The following SYT9 variants were observed in gnomAD, a reference collection of about 807,000 sequenced individuals.
SYT9 encodes synaptotagmin-9.
A neutral mutation model predicts 48.4 loss-of-function variants in SYT9; 22 were observed. The ratio of observed to expected loss-of-function variants is 0.45; its 90% CI spans 0.32 to 0.65. The LOEUF is 0.65. SYT9 is among the 30% of genes least tolerant of loss of function. The pLI, the probability that SYT9 is intolerant of heterozygous loss-of-function variation, is 0.03. For synonymous variants in SYT9, 265 were observed against 245.0 expected, an observed-to-expected ratio of 1.08 and a Z score of -0.76; for missense variants, 577 against 622.0, an observed-to-expected ratio of 0.93 and a Z score of 0.77.
chr11:7,412,949 G>C (rs567094634), intron 3 of SYT9, among the ~76,000 whole-genome samples: 1 of 152,318 alleles, frequency 6.6e-6, no homozygotes, highest in East Asian at 1.9e-4. Context: ...CAAGCCCCTG[G>C]ATGGCATGCT....
intron 3 of SYT9, among the ~76,000 whole-genome samples, chr11:7,394,306 G>T (rs897886528): frequency 6.6e-6 from 1 of 152,062 alleles, no homozygotes; most frequent in African/African-American, 2.4e-5. Flanking sequence ...ATTTTTTATA[G>T]GTGCATAGTA....
chr11:7,265,053 G>A lies in SYT9; in HGVS notation c.145+12722G>A, dbSNP rs185211910. The stretch of plus-strand genomic sequence containing the variant: ...CAGAAGTGTTGAAGGAATATTTTAA[G>A]TCAGTAGAGATGCCTTAAGAGATAT... On this transcript the variant is annotated intron_variant, in intron 1 of 6. Coordinates refer to ENST00000318881, the MANE Select transcript of SYT9 (RefSeq NM_175733.4). Among the ~76,000 whole-genome samples the A allele has an allele frequency of 3.5e-4, 53 of 152,226 alleles. 1 individual carries two copies. Among genetic ancestry groups the A allele is most frequent in the Middle Eastern group, 6.8e-3 (2 of 294 alleles).
chr11:7,455,739 G>T (rs1848140021), intron 6 of SYT9, among the ~76,000 whole-genome samples: 1 of 152,196 alleles, frequency 6.6e-6, no homozygotes. Flanking sequence ...TGGGAAAGGG[G>T]TGAAGGCCCC....
chr11:7,375,810 T>G (rs1212210194), intron 3 of SYT9, among the ~76,000 whole-genome samples: 2 of 152,098 alleles, frequency 1.3e-5, no homozygotes. Flanking sequence ...TAAGGAGTTT[T>G]GGGGCTGAGA....
intron 6 of SYT9, among the ~76,000 whole-genome samples, chr11:7,431,101 A>G (rs1386871788): frequency 1.3e-5 from 2 of 152,240 alleles, no homozygotes; most frequent in African/African-American, 4.8e-5. Context: ...GACTGGTTAA[A>G]TGGTTGTGAC....
chr11:7,342,398 T>A (rs11041325), intron 3 of SYT9, among the ~76,000 whole-genome samples: 3 of 151,958 alleles, frequency 2.0e-5, no homozygotes, highest in Admixed American at 6.5e-5. Context: ...GCATTCCAAA[T>A]GGGAGAAATT....
chr11:7,422,977 AG>A (rs1418414165), intron 6 of SYT9, among the ~76,000 whole-genome samples: 6 of 152,262 alleles, frequency 3.9e-5, no homozygotes, highest in Non-Finnish European at 7.3e-5. Flanking sequence ...GTAACTGAAA[AG>A]TAAATGCCAT....
At chr11:7,339,652 T>A (rs1398717204) in intron 3 of SYT9, among the ~76,000 whole-genome samples, 1 of 152,206 alleles carries the variant, frequency 6.6e-6, no homozygotes, top group Non-Finnish European at 1.5e-5. Context: ...TTGAAGATTT[T>A]TTTTTCCTTA....
chr11:7,341,818 T>C (rs898494096), intron 3 of SYT9, among the ~76,000 whole-genome samples: 1 of 152,154 alleles, frequency 6.6e-6, no homozygotes, highest in Admixed American at 6.5e-5. Flanking sequence ...ATTATTTCAT[T>C]TTCATGCTGC....
Position 7,390,960 on chromosome 11 carries a change from C to T in SYT9, c.1045-25082C>T, listed in dbSNP as rs148731965. ...ACATAGTGTCCAATAGGAAGCTTTT[C>T]GGCCCTTGCACCCCTCCCTTCCTCC... On this transcript the variant is annotated intron_variant, in intron 3 of 6. Coordinates refer to ENST00000318881, the MANE Select transcript of SYT9 (RefSeq NM_175733.4). 5.0e-3 allele frequency among the ~76,000 whole-genome samples: 764 copies of T among 152,192 alleles called. 7 individuals carry two copies. Among genetic ancestry groups the T allele is most frequent in the African/African-American group, 0.016 (667 of 41,520 alleles).
chr11:7,462,554 T>G (rs547864476), intron 6 of SYT9, among the ~76,000 whole-genome samples: 5 of 152,324 alleles, frequency 3.3e-5, no homozygotes, highest in African/African-American at 1.2e-4. Flanking sequence ...CGTGATAATT[T>G]TTCATATATT....
chr11:7,411,388 G>A (rs1034013433), intron 3 of SYT9, among the ~76,000 whole-genome samples: 12 of 151,934 alleles, frequency 7.9e-5, no homozygotes, highest in East Asian at 7.7e-4. Context: ...TTTTTATTCC[G>A]GGTTTAGGAC....
At chr11:7,266,316 T>A (rs1217247531) in intron 1 of SYT9, among the ~76,000 whole-genome samples, 1 of 152,152 alleles carries the variant, frequency 6.6e-6, no homozygotes, top group Non-Finnish European at 1.5e-5. Context: ...ATTACTTTAA[T>A]TTTGAGGGAA....
intron 6 of SYT9, among the ~76,000 whole-genome samples, chr11:7,446,732 A>T (rs1433882739): frequency 1.3e-5 from 2 of 152,210 alleles, no homozygotes; most frequent in African/African-American, 2.4e-5. Flanking sequence ...CCAGAGGCGG[A>T]AGACCAATAC....
At chr11:7,450,323 A>G (rs1848024455) in intron 6 of SYT9, 1 of 152,200 alleles carries the variant, frequency 6.6e-6, no homozygotes, top group Non-Finnish European at 1.5e-5. Flanking sequence ...GCTTCAATCA[A>G]TAGAATATGA....
At chr11:7,444,584 T>C (rs1291263675) in intron 6 of SYT9, 2 of 152,214 alleles carry the variant, frequency 1.3e-5, no homozygotes, top group Non-Finnish European at 2.9e-5. Context: ...TGTGAATATA[T>C]AATTTTGAAG....
chr11:7,374,859 A>G (rs866783115), intron 3 of SYT9, among the ~76,000 whole-genome samples: 46 of 152,198 alleles, frequency 3.0e-4, no homozygotes, highest in African/African-American at 1.1e-3. Context: ...ATTTTCTCCC[A>G]TTCTGTAGGT....
intron 2 of SYT9, among the ~76,000 whole-genome samples, chr11:7,310,312 C>T (rs10839763): frequency 0.22 from 33,373 of 149,274 alleles, 4,052 homozygotes; most frequent in Non-Finnish European, 0.28. Flanking sequence ...TTTTGTATCT[C>T]TAGTAGAGAC....
At chr11:7,314,067 C>A in intron 3 of SYT9, 126 bp downstream of exon 3, 2 of 1,089,718 alleles carry the variant, frequency 1.8e-6, no homozygotes, top group South Asian at 2.9e-5. Flanking sequence ...GCAGTTATTT[C>A]AGAACCTCCT....
Sources: allele counts gnomAD v4.1 joint callset (sites outside exome capture counted in the v4.1 genomes callset), GRCh38; gene constraint gnomAD v4.1.1; transcripts MANE v1.5; gene names NCBI Gene and HGNC (gene_info 2026-07-23, HGNC 2026-07-21).